VEGFA: variants seen among roughly 807,000 people sequenced by gnomAD.
The protein encoded by VEGFA is vascular endothelial growth factor A, also known as vascular endothelial growth factor A, long form.
A neutral mutation model predicts 49.7 loss-of-function variants in VEGFA; 20 were observed. The observed-to-expected ratio is 0.40, with a 90% CI of 0.28 to 0.58. The LOEUF (loss-of-function observed/expected upper bound fraction) is 0.58. Among genes scored for constraint, VEGFA ranks in the 20% least tolerant of loss-of-function variants. The pLI is 0.40. For synonymous variants in VEGFA, 219 were observed against 223.4 expected (o/e 0.98, Z 0.18); for missense variants, 505 against 553.5 (o/e 0.91, Z 0.88).
Position 43,777,933 on chromosome 6 carries a change from C to T in VEGFA, c.855+268C>T. The T allele has an allele frequency of 1.8e-6, 1 of 541,432 alleles. No homozygotes were observed. The highest frequency in any genetic ancestry group is 3.3e-6 in the Non-Finnish European group (1 of 301,114). 33.5% of individuals were successfully genotyped at this position (541,432 alleles called of 1,614,324 possible). ...GACAGATGGATGCCTGTGTCAGGAG[C>T]CCCTCTCTCCCTCTCTTGGAGAGAG... On this transcript the variant is annotated intron_variant, in intron 3 of 7. Transcript: ENST00000672860. This position sits in a 1 kb window ranked among gnomAD's most constrained non-coding sequence, Gnocchi z 4.3.
chr6:43,778,821 C>G (rs1561991977), intron 4 of VEGFA, 68 bp from the exon 5 acceptor site: 1 of 1,518,950 alleles, frequency 6.6e-7, no homozygotes, highest in Admixed American at 1.7e-5. Context: ...TGTTGTTATC[C>G]CTATCATTAT....
rs1234890403 is a variant in VEGFA at position 43,784,681 on chromosome 6, G to A, written c.*119G>A. 6.5e-6 allele frequency: 10 copies of A among 1,550,200 alleles called. No individual in the cohort carries two copies. The highest frequency in any genetic ancestry group is 1.7e-4 in the Middle Eastern group (1 of 5,936). On this transcript the variant is annotated 3_prime_UTR_variant, in exon 8 of 8. Transcript: ENST00000672860. ...CTGCCGCCACCACACCATCACCATC[G>A]ACAGAACAGTCCTTAATCCAGAAAC...
At chr6:43,780,940 C>T (rs903207076) in intron 6 of VEGFA, 137 bp downstream of exon 6, 11 of 1,594,972 alleles carry the variant, frequency 6.9e-6, no homozygotes, top group Non-Finnish European at 2.6e-6. Context: ...CCGTGTCTCT[C>T]TCTCACTCTC....
At chr6:43,784,181 G>T in intron 7 of VEGFA, 1 of 386,310 alleles carries the variant, frequency 2.6e-6, no homozygotes, top group Non-Finnish European at 4.9e-6. Context: ...TCCAGCTCTG[G>T]TCACCCATCA....
Position 43,777,838 on chromosome 6 carries a change from C to A in VEGFA, c.855+173C>A. 2 of 714,268 alleles carry A rather than the reference C, an allele frequency of 2.8e-6. No individual in the cohort carries two copies. Among genetic ancestry groups the A allele is most frequent in the Admixed American group, 2.8e-5 (1 of 35,650 alleles). 44.2% of individuals were successfully genotyped at this position (714,268 alleles called of 1,614,324 possible). ...CCTTCTGTGGAGAAGATGCTTCATTCCCAGCCCAGGTTCCCAGCAAGCCCC... is the reference window on the plus strand; with the variant it reads ...CCTTCTGTGGAGAAGATGCTTCATTACCAGCCCAGGTTCCCAGCAAGCCCC... On this transcript the variant is annotated intron_variant, in intron 3 of 7. Coordinates refer to ENST00000672860, the MANE Select transcript of VEGFA (RefSeq NM_003376.6). The surrounding 1 kb of genome is among the most constrained non-coding windows in gnomAD (Gnocchi z 4.3).
intron 6 of VEGFA, 145 bp downstream of exon 6, chr6:43,780,948 C>G (rs1767458515): frequency 6.3e-7 from 1 of 1,596,134 alleles, no homozygotes; most frequent in Admixed American, 1.7e-5. Flanking sequence ...CTCTCTCACT[C>G]TCTCACTCCA....
Position 43,784,736 on chromosome 6 carries a change from A to G in VEGFA, c.*174A>G, listed in dbSNP as rs1582544756. On this transcript the variant is annotated 3_prime_UTR_variant, in exon 8 of 8. Transcript: ENST00000672860. ...AATGAAGGAAGAGGAGACTCTGCGC[A>G]GAGCACTTTGGGTCCGGAGGGCGAG... 3.9e-6 allele frequency: 5 copies of G among 1,290,260 alleles called. No homozygotes were observed. The highest frequency in any genetic ancestry group is 2.4e-5 in the East Asian group (1 of 41,098). 79.9% of individuals were successfully genotyped at this position (1,290,260 alleles called of 1,614,324 possible). A position where few individuals can be genotyped will look rare whatever the true frequency, so the allele number is the denominator to read the frequency against.
intron 6 of VEGFA, 165 bp from the exon 7 acceptor site, chr6:43,781,791 C>T: frequency 1.1e-6 from 1 of 890,124 alleles, no homozygotes; most frequent in Non-Finnish European, 1.7e-6. Flanking sequence ...TTCCGCCGCT[C>T]TCTCTGTCTT....
intron 5 of VEGFA, 181 bp from the exon 6 acceptor site, chr6:43,780,551 A>G: frequency 1.3e-6 from 1 of 779,492 alleles, no homozygotes; most frequent in Non-Finnish European, 2.1e-6. Context: ...TGCTGCCCAG[A>G]CACGCCTGTG....
Position 43,777,513 on chromosome 6 carries a change from A to G in VEGFA, c.703A>G (p.Ile235Val), listed in dbSNP as rs554561071. The change falls in exon 3 of 8, where the codon ATC becomes GTC. Residue 235 changes from isoleucine to valine, a missense_variant. Ile to Val is a conservative substitution (Grantham distance 29). Coordinates refer to ENST00000672860, the MANE Select transcript of VEGFA (RefSeq NM_003376.6). This position sits in a 1 kb window ranked among gnomAD's most constrained non-coding sequence, Gnocchi z 4.3. ...CTATCAGCGCAGCTACTGCCATCCA[A>G]TCGAGACCCTGGTGGACATCTTCCA... The G allele has an allele frequency of 3.0e-5, 49 of 1,614,190 alleles. No homozygotes were observed. The highest frequency in any genetic ancestry group is 1.0e-4 in the Admixed American group (6 of 60,026).
chr6:43,778,280 G>T, intron 3 of VEGFA, 180 bp from the exon 4 acceptor site: 7 of 679,078 alleles, frequency 1.0e-5, no homozygotes, highest in Non-Finnish European at 1.9e-5. Context: ...AGCAGGGTTG[G>T]GGGAGTTGGG....
In VEGFA at chr6:43,777,879, C is replaced by G. The variant is rs928924604; in HGVS notation, c.855+214C>G. 3 of 607,116 alleles carry G rather than the reference C, an allele frequency of 4.9e-6. No homozygotes were observed. The highest frequency in any genetic ancestry group is 8.7e-6 in the Non-Finnish European group (3 of 344,634). The allele number at this position is 607,116 out of a possible 1,614,324, so 37.6% of individuals were successfully genotyped here. Reference sequence around the variant, plus strand: ...AGCAAGCCCCAACCATCTCCTTCTCCCTGATGGTTGCCCATGGGCTCAGGA... The same window carrying G: ...AGCAAGCCCCAACCATCTCCTTCTCGCTGATGGTTGCCCATGGGCTCAGGA... On this transcript the variant is annotated intron_variant, in intron 3 of 7. Transcript: ENST00000672860. This position sits in a 1 kb window ranked among gnomAD's most constrained non-coding sequence, Gnocchi z 4.3.
At chr6:43,780,932 G>A (rs566784582) in intron 6 of VEGFA, 129 bp downstream of exon 6, 49 of 1,606,476 alleles carry the variant, frequency 3.1e-5, no homozygotes, top group African/African-American at 2.5e-4. Flanking sequence ...CTCCTGGCCC[G>A]TGTCTCTCTC....
chr6:43,771,241 G>A lies in VEGFA; in HGVS notation c.535G>A (p.Glu179Lys), dbSNP rs199971699. Residue 179 changes from glutamate (E) to lysine (K), a missense_variant, in exon 1 of 8, where the codon GAA becomes AAA. Coordinates refer to ENST00000672860, the MANE Select transcript of VEGFA (RefSeq NM_003376.6). ...CCGCGCCGGCCCCGGTCGGGCCTCCGAAACCATGAACTTTCTGCTGTCTTG... is the reference window on the plus strand; with the variant it reads ...CCGCGCCGGCCCCGGTCGGGCCTCCAAAACCATGAACTTTCTGCTGTCTTG... The A allele has an allele frequency of 4.1e-4, 659 of 1,606,642 alleles. 8 individuals carry two copies. In the South Asian group the frequency reaches 6.8e-3, roughly 17 times the overall value.
In VEGFA at chr6:43,771,323, G is replaced by A. The variant is rs368487707; in HGVS notation, c.606+11G>A. Reference sequence around the variant, plus strand: ...CTCCACCATGCCAAGGTAAGCGGTCGTGCCCTGCTGGCGCCGCGGGCCGCT... The same window carrying A: ...CTCCACCATGCCAAGGTAAGCGGTCATGCCCTGCTGGCGCCGCGGGCCGCT... On this transcript the variant is annotated intron_variant, in intron 1 of 7. Transcript: ENST00000672860. 9 of 1,595,570 alleles carry A rather than the reference G, an allele frequency of 5.6e-6. No homozygotes were observed. The highest frequency in any genetic ancestry group is 7.7e-6 in the Non-Finnish European group (9 of 1,173,198).
Position 43,781,947 on chromosome 6 carries a change from T to C in VEGFA, c.1035-9T>C. 6.2e-7 allele frequency: 1 copy of C among 1,613,450 alleles called. No individual in the cohort carries two copies. Among genetic ancestry groups the C allele is most frequent in the East Asian group, 2.2e-5 (1 of 44,854 alleles). The stretch of plus-strand genomic sequence containing the variant: ...TAGCTTAGATGTCTTTCCTTTTGCC[T>C]TTTTGCAGTCCCTGTGGGCCTTGCT... On this transcript the variant is annotated splice_polypyrimidine_tract_variant and intron_variant, in intron 6 of 7. Coordinates refer to ENST00000672860, the MANE Select transcript of VEGFA (RefSeq NM_003376.6).
Position 43,784,671 on chromosome 6 carries a change from C to G in VEGFA, c.*109C>G. The G allele has an allele frequency of 6.4e-7, 1 of 1,569,720 alleles. No individual in the cohort carries two copies. Among genetic ancestry groups the G allele is most frequent in the Non-Finnish European group, 8.8e-7 (1 of 1,139,686 alleles). Reference sequence around the variant, plus strand: ...AGAAACCACGCTGCCGCCACCACACCATCACCATCGACAGAACAGTCCTTA... The same window carrying G: ...AGAAACCACGCTGCCGCCACCACACGATCACCATCGACAGAACAGTCCTTA... On this transcript the variant is annotated 3_prime_UTR_variant, in exon 8 of 8. Coordinates refer to ENST00000672860, the MANE Select transcript of VEGFA (RefSeq NM_003376.6).
rs759076899 is a variant in VEGFA, at chr6:43,774,401, C to T, written c.658+9C>T. The T allele has an allele frequency of 1.0e-4, 164 of 1,614,048 alleles. 1 individual carries two copies. The Middle Eastern group carries it at 1.3e-3, about 13-fold the overall frequency. ...GCAGAATCATCACGAAGGTGAGTCC[C>T]CCTGGCTGTTGGATGGGGTTCCCTG... On this transcript the variant is annotated intron_variant, in intron 2 of 7. Transcript: ENST00000672860.
In VEGFA at chr6:43,773,933, C is replaced by A; in HGVS notation, c.607-408C>A. 1 of 251,800 alleles carries A rather than the reference C, an allele frequency of 4.0e-6. No individual in the cohort carries two copies. The highest frequency in any genetic ancestry group is 5.3e-5 in the South Asian group (1 of 18,700). 15.6% of individuals were successfully genotyped at this position (251,800 alleles called of 1,614,324 possible). On this transcript the variant is annotated intron_variant, in intron 1 of 7. Transcript: ENST00000672860. This position sits in a 1 kb window ranked among gnomAD's most constrained non-coding sequence, Gnocchi z 5.6. Reference sequence around the variant, plus strand: ...TTTTTCTCGCCCCTAGTCCTTCCTTCCTGCCCCAGTCCAAATTTGTCCTCC... The same window carrying A: ...TTTTTCTCGCCCCTAGTCCTTCCTTACTGCCCCAGTCCAAATTTGTCCTCC...
Sources: allele counts gnomAD v4.1 joint callset, GRCh38; gene constraint gnomAD v4.1.1; non-coding constraint Gnocchi (gnomAD v3.1); transcripts MANE v1.5; gene names NCBI Gene and HGNC (gene_info 2026-07-23, HGNC 2026-07-21).